Variants in KIT observed in about 807,000 individuals in gnomAD.
The protein encoded by KIT is mast/stem cell growth factor receptor Kit.
In KIT, 16 loss-of-function variants were observed where a neutral mutation model predicts 105.7. The ratio of observed to expected loss-of-function variants is 0.15; its 90% CI spans 0.10 to 0.23. KIT has a LOEUF of 0.23. KIT is among the 10% of genes least tolerant of loss of function. The pLI is 1.00. For missense variants in KIT, 858 were observed against 1,213.8 expected, an observed-to-expected ratio of 0.71 and a Z score of 4.36; for synonymous variants, 438 against 441.1, an observed-to-expected ratio of 0.99 and a Z score of 0.09.
chr4:54,677,619 T>C (rs1361901559), intron 1 of KIT, among the ~76,000 whole-genome samples: 1 of 152,172 alleles, frequency 6.6e-6, no homozygotes, highest in Non-Finnish European at 1.5e-5. Flanking sequence ...CTGGGGGTTG[T>C]GGGTTGTGTT....
chr4:54,709,766 C>T (rs1025210418), intron 7 of KIT, among the ~76,000 whole-genome samples: 7 of 152,262 alleles, frequency 4.6e-5, no homozygotes, highest in South Asian at 2.1e-4. Flanking sequence ...TCAAATTCTG[C>T]GTGCTGCCTT....
At position 54,695,592 on chromosome 4, in the gene KIT, G is replaced by C. The variant is rs200950545; in HGVS notation, c.148G>C (p.Val50Leu). 6.2e-7 allele frequency: 1 copy of C among 1,614,172 alleles called. No homozygotes were observed. Among genetic ancestry groups the C allele is most frequent in the East Asian group, 2.2e-5 (1 of 44,878 alleles). Reference sequence around the variant, plus strand: ...AGGAAAATCAGACTTAATAGTCCGCGTGGGCGACGAGATTAGGCTGTTATG... The same window carrying C: ...AGGAAAATCAGACTTAATAGTCCGCCTGGGCGACGAGATTAGGCTGTTATG... ...HPGKSDLIVRVGDEIRLLCTD... is the reference protein window; with the variant it reads ...HPGKSDLIVRLGDEIRLLCTD... Residue 50 changes from valine to leucine, a missense_variant, in exon 2 of 21, where the codon GTG (valine) becomes CTG (leucine). Physicochemically the swap from Val to Leu is conservative, Grantham distance 32. Around this residue, in one of 7 missense-constraint regions of KIT, gnomAD observed 401 missense variants for 601.0 expected, o/e 0.67. Transcript: ENST00000288135.
At chr4:54,677,900 G>T (rs1718595423) in intron 1 of KIT, among the ~76,000 whole-genome samples, 1 of 152,184 alleles carries the variant, frequency 6.6e-6, no homozygotes, top group African/African-American at 2.4e-5. Context: ...GTGAAAGATT[G>T]GGGTTTCAAG....
intron 1 of KIT, among the ~76,000 whole-genome samples, chr4:54,668,951 A>T (rs1717899864): frequency 6.6e-6 from 1 of 152,172 alleles, no homozygotes; most frequent in Non-Finnish European, 1.5e-5. Flanking sequence ...CCTTAGAAAG[A>T]TTTTCCATTT....
intron 1 of KIT, among the ~76,000 whole-genome samples, chr4:54,658,575 C>T (rs148064465): frequency 6.6e-6 from 1 of 152,158 alleles, no homozygotes; most frequent in Non-Finnish European, 1.5e-5. Context: ...AGCCCTTTCT[C>T]TGCTCTGCGG....
At chr4:54,675,031 A>G (rs889698620) in intron 1 of KIT, among the ~76,000 whole-genome samples, 6 of 152,188 alleles carry the variant, frequency 3.9e-5, no homozygotes, top group Admixed American at 3.9e-4. Flanking sequence ...AAAAATTTGC[A>G]TATCTCTAAT....
In KIT at chr4:54,729,335, G is replaced by A. The variant is rs773340705; in HGVS notation, c.1991G>A (p.Gly664Glu). 1 of 1,613,098 alleles carries A rather than the reference G, an allele frequency of 6.2e-7. No individual in the cohort carries two copies. Among genetic ancestry groups the A allele is most frequent in the Non-Finnish European group, 8.5e-7 (1 of 1,179,580 alleles). ...CTAACCTTTTCTTATGTGCTTTTAG[G>A]GCCCACCCTGGTCATTACAGAATAT... ...VNLLGACTIG[G>E]PTLVITEYCC... The change falls in exon 14 of 21, where the codon GGG (glycine) becomes GAG (glutamate). Residue 664 changes from glycine (G) to glutamate (E), a missense_variant and splice_region_variant. Transcript: ENST00000288135.
At chr4:54,666,425 G>A (rs1033651942) in intron 1 of KIT, among the ~76,000 whole-genome samples, 5 of 151,990 alleles carry the variant, frequency 3.3e-5, no homozygotes, top group Admixed American at 6.5e-5. Context: ...GACTACAGGC[G>A]CACGCCACCA....
chr4:54,679,815 G>A (rs959369356), intron 1 of KIT, among the ~76,000 whole-genome samples: 2 of 152,142 alleles, frequency 1.3e-5, no homozygotes, highest in Admixed American at 1.3e-4. Flanking sequence ...ATACACAGTG[G>A]ACTATTATTC....
Position 54,699,503 on chromosome 4 carries a change from G to A in KIT, c.620-127G>A, listed in dbSNP as rs749611064. ...ATATGCAAGTAGTACAGATAGGTTAGCACCATGCTTTGTATTTTATTTAAA... is the reference window on the plus strand; with the variant it reads ...ATATGCAAGTAGTACAGATAGGTTAACACCATGCTTTGTATTTTATTTAAA... On this transcript the variant is annotated intron_variant, in intron 3 of 20. Transcript: ENST00000288135. The A allele has an allele frequency of 1.8e-4, 185 of 1,035,624 alleles. 1 individual carries two copies. The highest frequency in any genetic ancestry group is 2.6e-4 in the Non-Finnish European group (181 of 690,272). 64.2% of individuals were successfully genotyped at this position (1,035,624 alleles called of 1,614,324 possible).
At chr4:54,669,857 G>A (rs1237633781) in intron 1 of KIT, among the ~76,000 whole-genome samples, 1 of 152,160 alleles carries the variant, frequency 6.6e-6, no homozygotes, top group East Asian at 1.9e-4. Context: ...TCAAAAAAGA[G>A]GAAAGCCAAA....
intron 17 of KIT, among the ~76,000 whole-genome samples, chr4:54,736,245 G>A (rs1316587100): frequency 2.6e-5 from 4 of 152,188 alleles, no homozygotes; most frequent in South Asian, 2.1e-4. Context: ...TGTCTCTGAC[G>A]TTTGTGCTCT....
chr4:54,676,783 T>G (rs550256284), intron 1 of KIT, among the ~76,000 whole-genome samples: 12 of 152,112 alleles, frequency 7.9e-5, no homozygotes, highest in South Asian at 6.2e-4. Flanking sequence ...GGCTGTGGAG[T>G]GCACGCTGCA....
chr4:54,671,384 G>A (rs1254761292), intron 1 of KIT, among the ~76,000 whole-genome samples: 3 of 152,170 alleles, frequency 2.0e-5, no homozygotes, highest in African/African-American at 7.2e-5. Flanking sequence ...GGGCAGGAAG[G>A]CATCCCTAGT....
intron 1 of KIT, among the ~76,000 whole-genome samples, chr4:54,660,646 C>T (rs1717190224): frequency 6.6e-6 from 1 of 152,044 alleles, no homozygotes; most frequent in African/African-American, 2.4e-5. Context: ...TTGCTTGGGG[C>T]TTTACCTATT....
chr4:54,715,642 A>G (rs550303578), intron 7 of KIT, among the ~76,000 whole-genome samples: 1 of 152,272 alleles, frequency 6.6e-6, no homozygotes, highest in Admixed American at 6.5e-5. Flanking sequence ...GTACAGCACC[A>G]GGCTAATCAT....
At chr4:54,666,173 A>T (rs1717673172) in intron 1 of KIT, among the ~76,000 whole-genome samples, 1 of 152,218 alleles carries the variant, frequency 6.6e-6, no homozygotes, top group Non-Finnish European at 1.5e-5. Context: ...AGTGAATGAC[A>T]GTCTTCAAAT....
At chr4:54,719,783 G>A (rs184932129) in intron 7 of KIT, among the ~76,000 whole-genome samples, 1 of 152,238 alleles carries the variant, frequency 6.6e-6, no homozygotes, top group African/African-American at 2.4e-5. Context: ...GGTGCATTGA[G>A]GCACTTATAA....
At chr4:54,669,770 T>A (rs1430966697) in intron 1 of KIT, among the ~76,000 whole-genome samples, 2 of 151,394 alleles carry the variant, frequency 1.3e-5, no homozygotes, top group East Asian at 1.9e-4. Context: ...AATTTAGACT[T>A]ATTTCAGTTC....
Sources: allele counts gnomAD v4.1 joint callset (sites outside exome capture counted in the v4.1 genomes callset), GRCh38; gene constraint gnomAD v4.1.1; regional missense constraint gnomAD v4.1.1; transcripts MANE v1.5; gene names NCBI Gene and HGNC (gene_info 2026-07-23, HGNC 2026-07-21).